The following TOP1MT variants were observed in gnomAD, a reference collection of about 807,000 sequenced individuals.
The protein encoded by TOP1MT is DNA topoisomerase I mitochondrial.
Under a neutral mutation model 73.9 loss-of-function variants are expected in TOP1MT, and 80 were observed. The observed-to-expected ratio is 1.08, with a 90% CI of 0.90 to 1.30. The LOEUF (loss-of-function observed/expected upper bound fraction) is 1.30. Among genes scored for constraint, TOP1MT ranks in the 50% most tolerant of loss-of-function variants. TOP1MT has a pLI of 0.00. For synonymous variants in TOP1MT, 338 were observed against 326.4 expected (o/e 1.04, Z -0.38); for missense variants, 815 against 808.0 (o/e 1.01, Z -0.10).
In TOP1MT at chr8:143,311,529, C is replaced by T. The variant is rs537371344; in HGVS notation, c.1554-1312G>A. On this transcript the variant is annotated intron_variant, in intron 12 of 13. Transcript: ENST00000329245. ...GTGGGAGGCCGAGGCGGGTGGATCA[C>T]GAGGTCAGGAGATTGAGACCATCCT... Among the ~76,000 whole-genome samples the T allele has an allele frequency of 1.3e-4, 20 of 152,200 alleles. No homozygotes were observed. In the South Asian group the frequency reaches 3.5e-3, roughly 27 times the overall value.
intron 5 of TOP1MT, among the ~76,000 whole-genome samples, chr8:143,324,907 C>T (rs139976775): frequency 1.1e-4 from 17 of 152,304 alleles, no homozygotes; most frequent in African/African-American, 1.7e-4. Context: ...CCAACTGGGA[C>T]GACGAGTGCC....
chr8:143,310,143 T>C lies in TOP1MT; in HGVS notation c.1628A>G (p.Asp543Gly), dbSNP rs1815968891. ...GGCCACCTGCTTGTTCTCCTCCTTG[T>C]CCGTGGCCTGCACACTCAGCTGCGC... The part of the protein sequence containing the change: ...QLAQLSVQAT[D>G]KEENKQVALG... Residue 543 changes from aspartate to glycine, a missense_variant, in exon 13 of 14, where the codon GAC becomes GGC. Physicochemically the swap from Asp to Gly is moderately conservative, Grantham distance 94. Transcript: ENST00000329245. The C allele has an allele frequency of 6.2e-7, 1 of 1,613,044 alleles. No individual in the cohort carries two copies. The highest frequency in any genetic ancestry group is 1.3e-5 in the African/African-American group (1 of 74,928).
rs367991820 is a variant in TOP1MT at position 143,309,579 on chromosome 8, A to G, written c.1704-36T>C. 3 of 1,611,334 alleles carry G rather than the reference A, an allele frequency of 1.9e-6. No homozygotes were observed. In the African/African-American group the frequency reaches 4.0e-5, roughly 21 times the overall value. On this transcript the variant is annotated intron_variant, in intron 13 of 13. Transcript: ENST00000329245. Reference sequence around the variant, plus strand: ...CAGCATCAGCCCAGGCAAGCAGGCAACTCACCCACCTTGAAGGCCAGGTCA... The same window carrying G: ...CAGCATCAGCCCAGGCAAGCAGGCAGCTCACCCACCTTGAAGGCCAGGTCA...
intron 8 of TOP1MT, among the ~76,000 whole-genome samples, chr8:143,319,983 G>C (rs2012294): frequency 0.5 from 76,108 of 151,354 alleles, 20,582 homozygotes; most frequent in East Asian, 0.76. Flanking sequence ...AATCAGCTGA[G>C]CTTGGTGGCA....
chr8:143,315,120 G>C (rs909817659), intron 12 of TOP1MT, among the ~76,000 whole-genome samples: 3 of 151,924 alleles, frequency 2.0e-5, no homozygotes, highest in African/African-American at 4.8e-5. Flanking sequence ...CTTTCCCCAG[G>C]GGAGTTTAGA....
chr8:143,323,222 C>T lies in TOP1MT; in HGVS notation c.960+777G>A, dbSNP rs1379621990. On this transcript the variant is annotated intron_variant, in intron 7 of 13. Transcript: ENST00000329245. ...CACACACAGGCACGCCACACAGGCA[C>T]GCCACACACAGGCACGCCACACACA... 6.5e-5 allele frequency among the ~76,000 whole-genome samples: 8 copies of T among 123,532 alleles called. 1 individual carries two copies. Among genetic ancestry groups the T allele is most frequent in the African/African-American group, 1.3e-4 (4 of 31,200 alleles). 81.0% of individuals were successfully genotyped at this position (123,532 alleles called of 152,430 possible). A position where few individuals can be genotyped will look rare whatever the true frequency, so the allele number is the denominator to read the frequency against.
At chr8:143,326,496 C>A (rs1025013421) in intron 3 of TOP1MT, 152 bp from the exon 4 acceptor site, 1 of 984,786 alleles carries the variant, frequency 1.0e-6, no homozygotes, top group Admixed American at 2.3e-5. Context: ...CCTGCGGCCC[C>A]GTAAATAGAG....
upstream of TOP1MT, among the ~76,000 whole-genome samples, chr8:143,339,724 C>G (rs971077150): frequency 1.3e-5 from 2 of 149,086 alleles, no homozygotes; most frequent in African/African-American, 5.0e-5. Context: ...CCGCCTCCCC[C>G]ACCAGGGACA....
intron 10 of TOP1MT, among the ~76,000 whole-genome samples, chr8:143,317,504 G>A (rs980916422): frequency 3.9e-5 from 6 of 152,172 alleles, no homozygotes; most frequent in African/African-American, 1.2e-4. Flanking sequence ...CAGGGAGAAC[G>A]TGGCTGGGAT....
intron 2 of TOP1MT, 142 bp downstream of exon 2, chr8:143,331,082 C>T: frequency 1.7e-6 from 1 of 600,514 alleles, no homozygotes. Context: ...AGCCCCCACG[C>T]ATCACCTGCA....
In TOP1MT at chr8:143,321,289, T is replaced by A. The variant is rs1323570015; in HGVS notation, c.1058A>T (p.Glu353Val). The change falls in exon 8 of 14, where the codon GAG becomes GTG. Residue 353 changes from glutamate to valine, a missense_variant. Around this residue, in one of 3 missense-constraint regions of TOP1MT, gnomAD observed 751 missense variants for 725.4 expected, o/e 1.04. Transcript: ENST00000329245. ...LRVEHVQLHP[E>V]ADGCQHVVEF... ...CACCACGTGTTGGCAGCCATCGGCCTCCGGGTGCAGCTGGACGTGCTCCAC... is the reference window on the plus strand; with the variant it reads ...CACCACGTGTTGGCAGCCATCGGCCACCGGGTGCAGCTGGACGTGCTCCAC... The A allele has an allele frequency of 9.9e-6, 16 of 1,612,434 alleles. No individual in the cohort carries two copies. The highest frequency in any genetic ancestry group is 1.4e-5 in the Non-Finnish European group (16 of 1,179,198).
At chr8:143,357,706 G>C (rs1817434955), upstream of TOP1MT, among the ~76,000 whole-genome samples, 1 of 152,190 alleles carries the variant, frequency 6.6e-6, no homozygotes, top group Non-Finnish European at 1.5e-5. Context: ...CGGATCACCT[G>C]AGGTCAGGAG....
At chr8:143,315,017 A>G (rs1816115148) in intron 12 of TOP1MT, among the ~76,000 whole-genome samples, 1 of 152,186 alleles carries the variant, frequency 6.6e-6, no homozygotes. Context: ...GCGTCTGGGA[A>G]GATGCCTATT....
At chr8:143,339,223 A>G (rs919149668), upstream of TOP1MT, among the ~76,000 whole-genome samples, 29 of 152,172 alleles carry the variant, frequency 1.9e-4, no homozygotes, top group African/African-American at 6.0e-4. Context: ...CCTTAACAAT[A>G]TACTTAATTT....
intron 12 of TOP1MT, among the ~76,000 whole-genome samples, chr8:143,314,225 T>C (rs1816090624): frequency 6.6e-6 from 1 of 152,122 alleles, no homozygotes; most frequent in African/African-American, 2.4e-5. Flanking sequence ...ACAAACCTCC[T>C]TGGCGGCCAG....
chr8:143,310,340 G>A (rs1815977652), intron 12 of TOP1MT, 123 bp from the exon 13 acceptor site: 1 of 724,720 alleles, frequency 1.4e-6, no homozygotes. Context: ...ATTGTCATCA[G>A]TCATCCATCA....
chr8:143,355,714 C>T (rs1817396406), intron 1 of TOP1MT, among the ~76,000 whole-genome samples: 1 of 152,194 alleles, frequency 6.6e-6, no homozygotes, highest in South Asian at 2.1e-4. Context: ...CACGAATGTG[C>T]AAGAGCCGGA....
Position 143,353,906 on chromosome 8 carries a change from G to A in TOP1MT, c.-39+2059C>T, listed in dbSNP as rs1040354376. ...TTGAATCCAGGAGGCAGAGGTTGCA[G>A]TGAGCCGAGATCGCGCCACTGCACT... On this transcript the variant is annotated intron_variant, in intron 1 of 5. Transcript: ENST00000518760. Among the ~76,000 whole-genome samples the A allele has an allele frequency of 2.9e-5, 4 of 137,338 alleles. No homozygotes were observed. The Admixed American group carries it at 3.2e-4, about 11-fold the overall frequency. The allele number at this position is 137,338 out of a possible 152,430, so 90.1% of individuals were successfully genotyped here. A position where few individuals can be genotyped will look rare whatever the true frequency, so the allele number is the denominator to read the frequency against.
At chr8:143,333,491 C>G (rs1407688134) in intron 1 of TOP1MT, among the ~76,000 whole-genome samples, 1 of 152,130 alleles carries the variant, frequency 6.6e-6, no homozygotes, top group Non-Finnish European at 1.5e-5. Flanking sequence ...TGACAGTGAC[C>G]CTGACTGCCA....
Sources: allele counts gnomAD v4.1 joint callset (sites outside exome capture counted in the v4.1 genomes callset), GRCh38; gene constraint gnomAD v4.1.1; regional missense constraint gnomAD v4.1.1; transcripts MANE v1.5; gene names NCBI Gene and HGNC (gene_info 2026-07-23, HGNC 2026-07-21).